Variants in AKAP12 observed in about 807,000 individuals in gnomAD.
The protein encoded by AKAP12 is A-kinase anchoring protein 12.
AKAP12 carries 32 observed loss-of-function variants against 79.9 expected under a neutral mutation model. The observed-to-expected ratio is 0.40, with a 90% CI of 0.30 to 0.54. The LOEUF (loss-of-function observed/expected upper bound fraction) is 0.54, where lower values mean the gene tolerates loss of function less well. AKAP12 is among the 20% of genes least tolerant of loss of function. The probability of loss-of-function intolerance (pLI) is 0.48; values close to 1 mark genes in which losing one functional copy is unlikely to be tolerated. For synonymous variants in AKAP12, 808 were observed against 857.0 expected (o/e 0.94, Z 1.00); for missense variants, 2,074 against 2,177.0 (o/e 0.95, Z 0.94).
At chr6:151,265,882 G>C (rs1039384021) in intron 2 of AKAP12, among the ~76,000 whole-genome samples, 1 of 152,178 alleles carries the variant, frequency 6.6e-6, no homozygotes, top group Non-Finnish European at 1.5e-5. Flanking sequence ...GTTCACTAAG[G>C]ATGAGCCCAA....
intron 2 of AKAP12, among the ~76,000 whole-genome samples, chr6:151,249,550 A>G (rs1797136252): frequency 6.6e-6 from 1 of 152,222 alleles, no homozygotes; most frequent in African/African-American, 2.4e-5. Flanking sequence ...ACAGAAGTTC[A>G]GTTCTAAAAA....
chr6:151,336,706 G>A lies in AKAP12; in HGVS notation c.320-12005G>A, dbSNP rs182049205. Among the ~76,000 whole-genome samples, 20 of 152,290 alleles carry A rather than the reference G, an allele frequency of 1.3e-4. 1 individual carries two copies. Among genetic ancestry groups the A allele is most frequent in the Admixed American group, 1.2e-3 (18 of 15,298 alleles). On this transcript the variant is annotated intron_variant, in intron 3 of 4. Coordinates refer to ENST00000402676, the MANE Select transcript of AKAP12 (RefSeq NM_005100.4). ...GCAGTGGAACTGAGATCACACCACT[G>A]CACTCCAGCCTGGGCGACAGAGCGA...
At chr6:151,275,820 T>C (rs1191037289) in intron 2 of AKAP12, among the ~76,000 whole-genome samples, 1 of 152,206 alleles carries the variant, frequency 6.6e-6, no homozygotes, top group Non-Finnish European at 1.5e-5. Context: ...TCCACTCCAG[T>C]GTGGGATTGC....
At chr6:151,282,720 C>A (rs1380629120) in intron 2 of AKAP12, among the ~76,000 whole-genome samples, 1 of 152,170 alleles carries the variant, frequency 6.6e-6, no homozygotes, top group East Asian at 1.9e-4. Flanking sequence ...TTTGAAGCAG[C>A]TGCTGATTCC....
intron 2 of AKAP12, among the ~76,000 whole-genome samples, chr6:151,281,077 T>C (rs1017388304): frequency 1.3e-5 from 2 of 152,188 alleles, no homozygotes; most frequent in Admixed American, 1.3e-4. Flanking sequence ...TGTGCTTTCA[T>C]CCTGTTATTT....
rs894566664 is a variant in AKAP12, at chr6:151,268,967, T to G, written c.162+28243T>G. Reference sequence around the variant, plus strand: ...CCTGTTTTTTTTTTTTTTTTTTTTTTTTTTTTTTTTTTAATCAACATCTAA... The same window carrying G: ...CCTGTTTTTTTTTTTTTTTTTTTTTGTTTTTTTTTTTTAATCAACATCTAA... On this transcript the variant is annotated intron_variant, in intron 2 of 4. Transcript: ENST00000402676. 1.3e-3 allele frequency among the ~76,000 whole-genome samples: 175 copies of G among 137,564 alleles called. 1 individual carries two copies. Among genetic ancestry groups the G allele is most frequent in the African/African-American group, 3.7e-3 (133 of 35,834 alleles). The allele number at this position is 137,564 out of a possible 152,430, so 90.2% of individuals were successfully genotyped here.
chr6:151,288,472 G>A (rs4615401), intron 2 of AKAP12, among the ~76,000 whole-genome samples: 21,082 of 152,104 alleles, frequency 0.14, 1,593 homozygotes, highest in Middle Eastern at 0.22. Flanking sequence ...AGATCGCGCC[G>A]CTGTACTCCA....
chr6:151,303,789 G>T lies in AKAP12; in HGVS notation c.163-1958G>T, dbSNP rs577571348. ...CCTTCAAAGCATGGCACGTATCTTTGTAATTGTGTGTAGTAACAGGACCTT... is the reference window on the plus strand; with the variant it reads ...CCTTCAAAGCATGGCACGTATCTTTTTAATTGTGTGTAGTAACAGGACCTT... On this transcript the variant is annotated intron_variant, in intron 2 of 4. Transcript: ENST00000402676. Among the ~76,000 whole-genome samples, 3 of 152,120 alleles carry T rather than the reference G, an allele frequency of 2.0e-5. No homozygotes were observed. In the East Asian group the frequency reaches 5.8e-4, roughly 29 times the overall value.
chr6:151,317,474 G>A (rs150028428), intron 3 of AKAP12, among the ~76,000 whole-genome samples: 151 of 152,240 alleles, frequency 9.9e-4, no homozygotes, highest in East Asian at 5.0e-3. Context: ...AAAAACTCCA[G>A]GGCTTATATA....
intron 3 of AKAP12, among the ~76,000 whole-genome samples, chr6:151,336,784 A>T (rs995899590): frequency 2.0e-5 from 3 of 152,132 alleles, no homozygotes; most frequent in Non-Finnish European, 4.4e-5. Flanking sequence ...CTGGTGCAAG[A>T]TTGTGGTTTT....
intron 2 of AKAP12, among the ~76,000 whole-genome samples, chr6:151,273,405 G>A (rs966640235): frequency 3.3e-5 from 5 of 152,138 alleles, no homozygotes; most frequent in Non-Finnish European, 7.4e-5. Context: ...GTTTCATACC[G>A]GTGATTCCAT....
chr6:151,301,547 A>G (rs1302328990), intron 2 of AKAP12, among the ~76,000 whole-genome samples: 2 of 152,184 alleles, frequency 1.3e-5, no homozygotes, highest in Non-Finnish European at 2.9e-5. Context: ...AAAAACAAAA[A>G]CACTTTTGAT....
chr6:151,240,645 G>T lies in AKAP12; in HGVS notation c.83G>T (p.Ser28Ile). 1 of 1,339,266 alleles carries T rather than the reference G, an allele frequency of 7.5e-7. No individual in the cohort carries two copies. Among genetic ancestry groups the T allele is most frequent in the South Asian group, 1.9e-5 (1 of 52,708 alleles). 83.0% of individuals were successfully genotyped at this position (1,339,266 alleles called of 1,614,324 possible). ...GSSTPAEPEPSGGGPSAEAAP... is the reference protein window; with the variant it reads ...GSSTPAEPEPIGGGPSAEAAP... ...TCCACGCCGGCTGAGCCCGAGCCCA[G>T]CGGCGGCGGCCCCTCGGCCGAGGCG... Residue 28 changes from serine (S) to isoleucine (I), a missense_variant, in exon 2 of 5, where the codon AGC becomes ATC. Ser to Ile is a moderately radical substitution (Grantham distance 142, BLOSUM62 -2). Transcript: ENST00000402676.
chr6:151,261,664 G>A (rs1434603106), intron 2 of AKAP12, among the ~76,000 whole-genome samples: 1 of 150,540 alleles, frequency 6.6e-6, no homozygotes, highest in Non-Finnish European at 1.5e-5. Context: ...TCATGCCATT[G>A]CACTCCAGCC....
At chr6:151,284,670 T>G (rs9383564) in intron 2 of AKAP12, among the ~76,000 whole-genome samples, 1 of 151,948 alleles carries the variant, frequency 6.6e-6, no homozygotes, top group Non-Finnish European at 1.5e-5. Context: ...CACATGTCGA[T>G]GTCTTATTTC....
rs79254001 is a variant in AKAP12, at chr6:151,353,061, C to G, written c.4670C>G (p.Ala1557Gly). Residue 1557 changes from alanine (A) to glycine (G), a missense_variant, in exon 4 of 5, where the codon GCC becomes GGC. Physicochemically the swap from Ala to Gly is moderately conservative, Grantham distance 60 (BLOSUM62 0). Transcript: ENST00000402676. ...CTTGTCCAAAACATCATCCAGACAGCCGTTGACCAGTTTGTACGTACAGAA... is the reference window on the plus strand; with the variant it reads ...CTTGTCCAAAACATCATCCAGACAGGCGTTGACCAGTTTGTACGTACAGAA... ...SKLVQNIIQT[A>G]VDQFVRTEET... The G allele has an allele frequency of 2.3e-4, 369 of 1,614,148 alleles. 1 individual carries two copies. In the African/African-American group the frequency reaches 3.9e-3, roughly 17 times the overall value.
chr6:151,268,601 C>T (rs1424392984), intron 2 of AKAP12, among the ~76,000 whole-genome samples: 8 of 152,154 alleles, frequency 5.3e-5, no homozygotes, highest in East Asian at 1.9e-4. Context: ...TTCTATGTAA[C>T]GTTTCCATTT....
At chr6:151,278,494 G>T (rs1202160708) in intron 2 of AKAP12, among the ~76,000 whole-genome samples, 3 of 152,212 alleles carry the variant, frequency 2.0e-5, no homozygotes, top group Non-Finnish European at 4.4e-5. Flanking sequence ...GGGATTACAG[G>T]CTTGAGCCAC....
chr6:151,278,897 G>C (rs1368448741), intron 2 of AKAP12, among the ~76,000 whole-genome samples: 1 of 151,496 alleles, frequency 6.6e-6, no homozygotes, highest in African/African-American at 2.4e-5. Context: ...TCGATCTCCT[G>C]ACCTTGTGAT....
Sources: allele counts gnomAD v4.1 joint callset (sites outside exome capture counted in the v4.1 genomes callset), GRCh38; gene constraint gnomAD v4.1.1; transcripts MANE v1.5; gene names NCBI Gene and HGNC (gene_info 2026-07-23, HGNC 2026-07-21).